GAA: variants seen among roughly 807,000 people sequenced by gnomAD.
The protein encoded by GAA is alpha glucosidase, also known as lysosomal alpha-glucosidase.
GAA carries 88 observed loss-of-function variants against 103.9 expected under a neutral mutation model. The ratio of observed to expected loss-of-function variants is 0.85; its 90% confidence interval spans 0.71 to 1.01. GAA has a LOEUF of 1.01. GAA is among the 50% of genes least tolerant of loss of function. The pLI, the probability that GAA is intolerant of heterozygous loss-of-function variation, is 0.00. For missense variants in GAA, 1,350 were observed against 1,305.3 expected (o/e 1.03, Z -0.53); for synonymous variants, 572 against 563.1 (o/e 1.02, Z -0.22).
chr17:80,119,113 C>G (rs992547915), intron 19 of GAA, among the ~76,000 whole-genome samples, 159 bp from the exon 20 acceptor site: 9 of 152,134 alleles, frequency 5.9e-5, no homozygotes, highest in Non-Finnish European at 1.2e-4. Context: ...CGGGGAGGAA[C>G]CGGGTGCGAA....
intron 2 of GAA, 106 bp downstream of exon 2, chr17:80,105,238 T>G: frequency 8.5e-7 from 1 of 1,179,978 alleles, no homozygotes. Flanking sequence ...CACTGTGTGC[T>G]GGGCCCTTGC....
Position 80,108,415 on chromosome 17 carries a change from G to T in GAA, c.1075+6G>T. ...GCAGTACCTGGACGTTGTGGGTAGG[G>T]CCTGCTCCCTGGCCGCGGCCCCCGC... On this transcript the variant is annotated splice_donor_region_variant and intron_variant, in intron 6 of 19. Transcript: ENST00000302262. The T allele has an allele frequency of 1.2e-6, 2 of 1,613,272 alleles. No homozygotes were observed. The highest frequency in any genetic ancestry group is 1.7e-6 in the Non-Finnish European group (2 of 1,180,028).
In GAA at chr17:80,118,625, CCTTTTCAT is replaced by C; in HGVS notation, c.2647-25_2647-18del. ...TCTGCTGACACCTCCACATTCTCTG[CCTTTTCAT>C]CTCTCTCTGCTCGGCCCAGAACACG... is the stretch of plus-strand genomic sequence containing the variant. On this transcript the variant is annotated intron_variant, in intron 18 of 19. Coordinates refer to ENST00000302262, the MANE Select transcript of GAA (RefSeq NM_000152.5). The C allele has an allele frequency of 6.2e-7, 1 of 1,610,244 alleles. No homozygotes were observed. Among genetic ancestry groups the C allele is most frequent in the Non-Finnish European group, 8.5e-7 (1 of 1,179,892 alleles).
chr17:80,102,430 G>A (rs2143812233), intron 1 of GAA: 1 of 152,412 alleles, frequency 6.6e-6, no homozygotes, highest in Admixed American at 6.5e-5. Flanking sequence ...GTGGCTTCAG[G>A]ATGGAAGCAG....
rs1226457670 is a variant in GAA, at chr17:80,113,355, C to A, written c.2178C>A (p.Pro726=). The A allele has an allele frequency of 2.5e-6, 4 of 1,582,160 alleles. No individual in the cohort carries two copies. The highest frequency in any genetic ancestry group is 2.6e-6 in the Non-Finnish European group (3 of 1,162,988). The change falls in exon 15 of 20, where the codon CCC becomes CCA. Residue 726 remains proline (P), a synonymous_variant. Coordinates refer to ENST00000302262, the MANE Select transcript of GAA (RefSeq NM_000152.5). The part of the protein sequence containing the change: ...AHVAGETVAR[P]LFLEFPKDSS... Reference sequence around the variant, plus strand: ...TCGCGGGGGAGACCGTGGCCCGGCCCCTCTTCCTGGAGTGAGTGACCTAGG... The same window carrying A: ...TCGCGGGGGAGACCGTGGCCCGGCCACTCTTCCTGGAGTGAGTGACCTAGG...
At chr17:80,103,063 G>A (rs1340477335) in intron 1 of GAA, among the ~76,000 whole-genome samples, 1 of 152,254 alleles carries the variant, frequency 6.6e-6, no homozygotes, top group Non-Finnish European at 1.5e-5. Context: ...GTGGCCCACG[G>A]TGGAACACCA....
At position 80,112,558 on chromosome 17, in the gene GAA, G is replaced by C; in HGVS notation, c.1755-20G>C. 6.2e-7 allele frequency: 1 copy of C among 1,612,772 alleles called. No individual in the cohort carries two copies. The highest frequency in any genetic ancestry group is 8.5e-7 in the Non-Finnish European group (1 of 1,179,914). On this transcript the variant is annotated intron_variant, in intron 12 of 19. Coordinates refer to ENST00000302262, the MANE Select transcript of GAA (RefSeq NM_000152.5). ...TGACCCCGCTCCACACAGCCCTCAC[G>C]GTGTCCCCCACCACCCCAGGGCGCT... is the stretch of plus-strand genomic sequence containing the variant.
In GAA at chr17:80,119,730, T is replaced by G; in HGVS notation, c.*399T>G. ...TGAGCTCCTGCTTCGCGCCTGCTGC[T>G]CTGCCCCAACGCGACCGCTGCCCGG... On this transcript the variant is annotated 3_prime_UTR_variant, in exon 20 of 20. Transcript: ENST00000302262. The G allele has an allele frequency of 6.8e-6, 2 of 292,332 alleles. No individual in the cohort carries two copies. Among genetic ancestry groups the G allele is most frequent in the South Asian group, 3.4e-5 (1 of 29,440 alleles). 18.1% of individuals were successfully genotyped at this position (292,332 alleles called of 1,614,324 possible). A position where few individuals can be genotyped will look rare whatever the true frequency, so the allele number is the denominator to read the frequency against.
intron 15 of GAA, among the ~76,000 whole-genome samples, chr17:80,113,975 G>A (rs866115765): frequency 2.7e-5 from 4 of 149,974 alleles, no homozygotes; most frequent in East Asian, 2.0e-4. Flanking sequence ...CCGAGATCGC[G>A]CCACTGTACT....
At chr17:80,103,061 C>T (rs970970253) in intron 1 of GAA, among the ~76,000 whole-genome samples, 4 of 152,226 alleles carry the variant, frequency 2.6e-5, no homozygotes. Context: ...CAGTGGCCCA[C>T]GGTGGAACAC....
At chr17:80,111,813 G>T (rs1486195767) in intron 11 of GAA, 170 bp from the exon 12 acceptor site, 1 of 617,668 alleles carries the variant, frequency 1.6e-6, no homozygotes, top group Non-Finnish European at 2.9e-6. Flanking sequence ...CCAGGTTCCC[G>T]GGTAACGCCA....
rs536245770 is a variant in GAA, at chr17:80,113,285, A to G, written c.2108A>G (p.Tyr703Cys). The change falls in exon 15 of 20, where the codon TAC (tyrosine) becomes TGC (cysteine). Residue 703 changes from tyrosine (Y) to cysteine (C), a missense_variant. Tyr to Cys is a radical substitution (Grantham distance 194, BLOSUM62 -2). Coordinates refer to ENST00000302262, the MANE Select transcript of GAA (RefSeq NM_000152.5). ...ATGAGGAAGGCCCTCACCCTGCGCT[A>G]CGCACTCCTCCCCCACCTCTACACA... ...QAMRKALTLR[Y>C]ALLPHLYTLF... 2 of 1,600,366 alleles carry G rather than the reference A, an allele frequency of 1.2e-6. No homozygotes were observed. Among genetic ancestry groups the G allele is most frequent in the African/African-American group, 1.3e-5 (1 of 74,806 alleles).
rs145106194 is a variant in GAA, at chr17:80,104,132, T to C, written c.-32-423T>C. ...ACAGAAAATTAGCTGGGTGCGGTGG[T>C]GTGTGCCTACAGTCCCAGCTACTCA... is the stretch of plus-strand genomic sequence containing the variant. On this transcript the variant is annotated intron_variant, in intron 1 of 19. Coordinates refer to ENST00000302262, the MANE Select transcript of GAA (RefSeq NM_000152.5). The surrounding 1 kb of genome is among the most constrained non-coding windows in gnomAD (Gnocchi z 4.0). Among the ~76,000 whole-genome samples, 139 of 152,164 alleles carry C rather than the reference T, an allele frequency of 9.1e-4. No homozygotes were observed. Among genetic ancestry groups the C allele is most frequent in the African/African-American group, 3.2e-3 (132 of 41,524 alleles).
intron 11 of GAA, 57 bp downstream of exon 11, chr17:80,111,082 T>G: frequency 6.6e-7 from 1 of 1,516,472 alleles, no homozygotes; most frequent in Non-Finnish European, 9.0e-7. Flanking sequence ...CTCCCTTGTC[T>G]GGCCTGGGAG....
chr17:80,105,152 G>A lies in GAA; in HGVS notation c.546+20G>A. On this transcript the variant is annotated intron_variant, in intron 2 of 19. Coordinates refer to ENST00000302262, the MANE Select transcript of GAA (RefSeq NM_000152.5). ...TTCACGGTGGGCAGGGCAGGGGCGG[G>A]GGCGGCGGCCAGGGCAGAGGGTGCG... 6.3e-7 allele frequency: 1 copy of A among 1,594,412 alleles called. No homozygotes were observed. Among genetic ancestry groups the A allele is most frequent in the Non-Finnish European group, 8.5e-7 (1 of 1,173,840 alleles).
chr17:80,105,058 A>G lies in GAA; in HGVS notation c.472A>G (p.Thr158Ala), dbSNP rs1598570556. 6.2e-7 allele frequency: 1 copy of G among 1,612,322 alleles called. No homozygotes were observed. The highest frequency in any genetic ancestry group is 1.3e-5 in the African/African-American group (1 of 74,772). The change falls in exon 2 of 20, where the codon ACC (threonine) becomes GCC (alanine). Residue 158 changes from threonine to alanine, a missense_variant. By Grantham distance (58) the Thr-to-Ala change is moderately conservative. Transcript: ENST00000302262. The stretch of plus-strand genomic sequence containing the variant: ...GGCCACCCTGACCCGTACCACCCCC[A>G]CCTTCTTCCCCAAGGACATCCTGAC... ...YTATLTRTTPTFFPKDILTLR... is the reference protein window; with the variant it reads ...YTATLTRTTPAFFPKDILTLR...
intron 3 of GAA, among the ~76,000 whole-genome samples, chr17:80,107,337 C>T (rs1398097669): frequency 2.6e-5 from 4 of 152,268 alleles, no homozygotes; most frequent in Non-Finnish European, 4.4e-5. Flanking sequence ...CCAGGCGGTG[C>T]GCCTCTTCTG....
chr17:80,107,641 C>T lies in GAA; in HGVS notation c.777C>T (p.Gly259=), dbSNP rs1319695388. The change falls in exon 4 of 20, where the codon GGC becomes GGT. Residue 259 remains glycine (G), a synonymous_variant. Transcript: ENST00000302262. ...STSLPSQYIT[G]LAEHLSPLML... is the part of the protein sequence containing the mutation. ...CGCTGCCCTCGCAGTATATCACAGG[C>T]CTCGCCGAGCACCTCAGTCCCCTGA... The T allele has an allele frequency of 1.2e-6, 2 of 1,613,018 alleles. No homozygotes were observed. The highest frequency in any genetic ancestry group is 1.7e-6 in the Non-Finnish European group (2 of 1,179,886).
intron 1 of GAA, among the ~76,000 whole-genome samples, chr17:80,103,469 C>G (rs1445353729): frequency 6.6e-6 from 1 of 152,176 alleles, no homozygotes; most frequent in Non-Finnish European, 1.5e-5. Context: ...CAAAGGGACT[C>G]CCCTATTGAA....
Sources: allele counts gnomAD v4.1 joint callset (sites outside exome capture counted in the v4.1 genomes callset), GRCh38; gene constraint gnomAD v4.1.1; non-coding constraint Gnocchi (gnomAD v3.1); transcripts MANE v1.5; gene names NCBI Gene and HGNC (gene_info 2026-07-23, HGNC 2026-07-21).